Variants in TOMM20L observed in about 807,000 individuals in gnomAD.
TOMM20L encodes translocase of outer mitochondrial membrane 20 like, also known as TOMM20-like protein 1.
Under a neutral mutation model 20.4 loss-of-function variants are expected in TOMM20L, and 19 were observed. The ratio of observed to expected loss-of-function variants is 0.93; its 90% CI spans 0.65 to 1.36. The LOEUF (loss-of-function observed/expected upper bound fraction) is 1.36, where lower values mean the gene tolerates loss of function less well. TOMM20L is among the 40% of genes most tolerant of loss of function. The pLI is 0.00. For synonymous variants in TOMM20L, 75 were observed against 79.6 expected, an observed-to-expected ratio of 0.94 and a Z score of 0.30; for missense variants, 218 against 203.7, an observed-to-expected ratio of 1.07 and a Z score of -0.43.
At chr14:58,406,835 AT>A (rs1641529910) in intron 3 of TOMM20L, among the ~76,000 whole-genome samples, 1 of 152,026 alleles carries the variant, frequency 6.6e-6, no homozygotes, top group African/African-American at 2.4e-5. Context: ...TAAATCTCTT[AT>A]TTTTTTCCCT....
chr14:58,403,589 A>T (rs2036016843), intron 3 of TOMM20L, among the ~76,000 whole-genome samples: 4 of 152,122 alleles, frequency 2.6e-5, no homozygotes, highest in Admixed American at 2.6e-4. Context: ...CTGTAATCCC[A>T]GCACTTTGGG....
At chr14:58,401,813 C>G (rs369381316) in intron 2 of TOMM20L, among the ~76,000 whole-genome samples, 214 of 152,226 alleles carry the variant, frequency 1.4e-3, no homozygotes, top group African/African-American at 5.0e-3. Context: ...CGCAGTAAAC[C>G]AAAGCATCCT....
At chr14:58,403,796 C>T (rs1244739513) in intron 3 of TOMM20L, among the ~76,000 whole-genome samples, 6 of 151,866 alleles carry the variant, frequency 4.0e-5, no homozygotes, top group South Asian at 2.1e-4. Flanking sequence ...CGAGATCGCA[C>T]GACTGCACTC....
downstream of TOMM20L, among the ~76,000 whole-genome samples, chr14:58,412,809 G>A (rs1046238024): frequency 2.6e-5 from 4 of 152,058 alleles, no homozygotes; most frequent in Admixed American, 6.6e-5. Context: ...GCTGAGGCAG[G>A]AGAATCGCTT....
Position 58,396,019 on chromosome 14 carries a change from C to A in TOMM20L, c.62C>A (p.Ala21Asp). 1.4e-6 allele frequency: 2 copies of A among 1,452,166 alleles called. No individual in the cohort carries two copies. Among genetic ancestry groups the A allele is most frequent in the Non-Finnish European group, 1.8e-6 (2 of 1,097,036 alleles). The allele number at this position is 1,452,166 out of a possible 1,614,324, so 90.0% of individuals were successfully genotyped here. The part of the protein sequence containing the change: ...LAAAAACGAF[A>D]FLGYCIYLNR... The stretch of plus-strand genomic sequence containing the variant: ...GCCGCGGCGGCCTGTGGCGCCTTCG[C>A]CTTCCTGGGCTATTGTATTTACCTC... Residue 21 changes from alanine (A) to aspartate (D), a missense_variant, in exon 1 of 5, where the codon GCC becomes GAC. Coordinates refer to ENST00000360945, the MANE Select transcript of TOMM20L (RefSeq NM_207377.3).
rs2036079181 is a variant in TOMM20L, at chr14:58,407,523, T to C, written c.405+55T>C. On this transcript the variant is annotated intron_variant, in intron 4 of 4. Coordinates refer to ENST00000360945, the MANE Select transcript of TOMM20L (RefSeq NM_207377.3). The stretch of plus-strand genomic sequence containing the variant: ...ATGTACACAGTAAATAGCTATGTTA[T>C]GCTTGACTACACAGAAATATCAAAG... 1.2e-5 allele frequency: 18 copies of C among 1,521,232 alleles called. No individual in the cohort carries two copies. The South Asian group carries it at 1.3e-4, about 11-fold the overall frequency. The allele number at this position is 1,521,232 out of a possible 1,614,324, so 94.2% of individuals were successfully genotyped here. A position where few individuals can be genotyped will look rare whatever the true frequency, so the allele number is the denominator to read the frequency against.
At chr14:58,398,357 A>G (rs2035952274) in intron 2 of TOMM20L, among the ~76,000 whole-genome samples, 2 of 152,208 alleles carry the variant, frequency 1.3e-5, no homozygotes, top group Non-Finnish European at 2.9e-5. Context: ...TTGTAGGCAG[A>G]GGGAAACACC....
the TOMM20L span, among the ~76,000 whole-genome samples, chr14:58,416,459 A>T: frequency 6.6e-6 from 1 of 152,212 alleles, no homozygotes; most frequent in East Asian, 1.9e-4. Context: ...ACCTTGAGAA[A>T]TAAAGGAGAA....
downstream of TOMM20L, among the ~76,000 whole-genome samples, chr14:58,413,629 T>C (rs1249354543): frequency 6.6e-6 from 1 of 152,232 alleles, no homozygotes; most frequent in Non-Finnish European, 1.5e-5. Flanking sequence ...GTTCAGTTAA[T>C]CTAGATATAA....
Position 58,402,735 on chromosome 14 carries a change from G to A in TOMM20L, c.236G>A (p.Arg79Gln), listed in dbSNP as rs111888052. 1.4e-5 allele frequency: 22 copies of A among 1,613,468 alleles called. No homozygotes were observed. The highest frequency in any genetic ancestry group is 5.0e-5 in the Admixed American group (3 of 59,952). Residue 79 changes from arginine (R) to glutamine (Q), a missense_variant, in exon 3 of 5, where the codon CGG becomes CAG. Physicochemically the swap from Arg to Gln is conservative, Grantham distance 43. Transcript: ENST00000360945. ...KLQELFLQEV[R>Q]MGELWLSRGE... ...CAAGAACTTTTCTTGCAAGAGGTAC[G>A]GATGGGAGAACTTTGGTTATCTAGA...
At chr14:58,414,204 G>T in the TOMM20L span, among the ~76,000 whole-genome samples, 1 of 151,836 alleles carries the variant, frequency 6.6e-6, no homozygotes, top group South Asian at 2.1e-4. Context: ...ATTTTTATTA[G>T]CTTATCAATT....
intron 2 of TOMM20L, among the ~76,000 whole-genome samples, chr14:58,399,885 C>CATATAT (rs869260438): frequency 0.042 from 1,558 of 37,264 alleles, 121 homozygotes; most frequent in Non-Finnish European, 0.05. Flanking sequence ...TGCTCTATTG[C>CATATAT]ATATATATAT....
At chr14:58,396,391 C>A (rs758350458) in intron 2 of TOMM20L, 50 bp downstream of exon 2, 7 of 1,606,014 alleles carry the variant, frequency 4.4e-6, no homozygotes, top group African/African-American at 1.3e-5. Flanking sequence ...CAGGTCCGGG[C>A]TCGCTGGGTT....
intron 2 of TOMM20L, among the ~76,000 whole-genome samples, chr14:58,399,954 C>T (rs2140300643): frequency 7.9e-6 from 1 of 127,010 alleles, no homozygotes; most frequent in Non-Finnish European, 1.6e-5. Context: ...TCTATTACTT[C>T]CCTGCAACTA....
At chr14:58,412,536 T>A (rs1008999195), downstream of TOMM20L, among the ~76,000 whole-genome samples, 2 of 152,156 alleles carry the variant, frequency 1.3e-5, no homozygotes, top group East Asian at 3.9e-4. Flanking sequence ...CTTGCTAAGC[T>A]GCTTGTTTAA....
chr14:58,398,071 A>C (rs1358803762), intron 2 of TOMM20L, among the ~76,000 whole-genome samples: 1 of 152,168 alleles, frequency 6.6e-6, no homozygotes, highest in Non-Finnish European at 1.5e-5. Flanking sequence ...CATTTGACAT[A>C]GTTAGCTGGG....
At chr14:58,398,228 T>A (rs970693059) in intron 2 of TOMM20L, among the ~76,000 whole-genome samples, 3 of 152,222 alleles carry the variant, frequency 2.0e-5, no homozygotes, top group African/African-American at 7.2e-5. Context: ...TGCTTTCCGT[T>A]TATTACACTA....
chr14:58,409,072 G>C, downstream of TOMM20L: 2 of 1,613,786 alleles, frequency 1.2e-6, no homozygotes, highest in Non-Finnish European at 1.7e-6. Flanking sequence ...TTGGCTGCCA[G>C]GGCTTCATTC....
the TOMM20L span, among the ~76,000 whole-genome samples, chr14:58,414,847 G>C: frequency 6.6e-6 from 1 of 151,940 alleles, no homozygotes; most frequent in Non-Finnish European, 1.5e-5. Context: ...ACTCCCCAGC[G>C]AGTGTCAGTG....
Sources: allele counts gnomAD v4.1 joint callset (sites outside exome capture counted in the v4.1 genomes callset), GRCh38; gene constraint gnomAD v4.1.1; transcripts MANE v1.5; gene names NCBI Gene and HGNC (gene_info 2026-07-23, HGNC 2026-07-21).